Variants in CHLSN observed in about 807,000 individuals in gnomAD.
The protein encoded by CHLSN is protein cholesin.
the CHLSN span, chr7:1,009,863 A>G: frequency 1.7e-6 from 2 of 1,159,510 alleles, no homozygotes; most frequent in East Asian, 2.6e-5. Flanking sequence ...CCTTCCACAC[A>G]GTGTGTGCGA....
At chr7:1,136,594 A>G in the CHLSN span, among the ~76,000 whole-genome samples, 1 of 138,260 alleles carries the variant, frequency 7.2e-6, no homozygotes, top group African/African-American at 2.8e-5. Flanking sequence ...AAACATATAT[A>G]AACATATATA....
At chr7:1,085,231 C>G in the CHLSN span, among the ~76,000 whole-genome samples, 3 of 152,236 alleles carry the variant, frequency 2.0e-5, no homozygotes, top group Non-Finnish European at 4.4e-5. Flanking sequence ...CCTTGAAGTT[C>G]TTTCCTTTTA....
chr7:1,124,876 G>A, the CHLSN span, among the ~76,000 whole-genome samples: 5 of 152,278 alleles, frequency 3.3e-5, no homozygotes, highest in East Asian at 3.9e-4. Context: ...CGCGGGAGCC[G>A]CAGGACCTCT....
At chr7:1,028,235 G>C in the CHLSN span, 7 of 1,086,852 alleles carry the variant, frequency 6.4e-6, no homozygotes, top group African/African-American at 8.6e-5. Context: ...GCCCGAATGC[G>C]GGCCCTGGCC....
At chr7:1,046,379 T>C in the CHLSN span, among the ~76,000 whole-genome samples, 2 of 152,132 alleles carry the variant, frequency 1.3e-5, no homozygotes, top group African/African-American at 2.4e-5. Context: ...CTGTTTTCTG[T>C]CAACAGTGTT....
chr7:1,082,963 C>T, the CHLSN span, among the ~76,000 whole-genome samples: 1 of 152,222 alleles, frequency 6.6e-6, no homozygotes, highest in Non-Finnish European at 1.5e-5. Context: ...CCCCGAGGCT[C>T]CTTGAGGAAC....
At chr7:1,003,740 A>G in the CHLSN span, among the ~76,000 whole-genome samples, 1 of 64,524 alleles carries the variant, frequency 1.5e-5, no homozygotes, top group African/African-American at 6.7e-5. Context: ...GGGTGAGTGG[A>G]GTCCTGTGGG....
chr7:1,091,976 T>C, the CHLSN span: 1 of 1,614,106 alleles, frequency 6.2e-7, no homozygotes, highest in Non-Finnish European at 8.5e-7. Context: ...ATCCTGGTGG[T>C]GAACATCAGC....
chr7:1,104,171 C>CT, the CHLSN span, among the ~76,000 whole-genome samples: 1 of 152,378 alleles, frequency 6.6e-6, no homozygotes, highest in South Asian at 2.1e-4. Context: ...GGGCAGGGCT[C>CT]TGTCAGGCCA....
chr7:1,041,705 G>A, the CHLSN span, among the ~76,000 whole-genome samples: 6,868 of 152,260 alleles, frequency 0.045, 216 homozygotes, highest in Middle Eastern at 0.095. Context: ...TCCGTGATCA[G>A]CACGGCACAC....
At chr7:1,011,973 G>C in the CHLSN span, among the ~76,000 whole-genome samples, 263 of 152,290 alleles carry the variant, frequency 1.7e-3, 2 homozygotes, top group African/African-American at 6.1e-3. Flanking sequence ...TTTCATGGTG[G>C]GGATGTGGAC....
chr7:1,055,029 G>C, the CHLSN span, among the ~76,000 whole-genome samples: 1 of 152,096 alleles, frequency 6.6e-6, no homozygotes, highest in Non-Finnish European at 1.5e-5. Context: ...ACACGTGTCT[G>C]CCTGACCTGC....
the CHLSN span, among the ~76,000 whole-genome samples, chr7:981,466 A>C: frequency 1.3e-5 from 2 of 151,524 alleles, no homozygotes; most frequent in African/African-American, 4.9e-5. Flanking sequence ...AATTCCCAGC[A>C]CTTTGGGAGG....
chr7:1,028,744 C>T, the CHLSN span: 2 of 709,150 alleles, frequency 2.8e-6, no homozygotes, highest in Non-Finnish European at 3.4e-6. Context: ...ATAGACCCAT[C>T]TCCCCCAGTC....
the CHLSN span, chr7:1,010,118 A>C: frequency 6.2e-7 from 1 of 1,612,414 alleles, no homozygotes; most frequent in Admixed American, 1.7e-5. Flanking sequence ...CTCTGCGTCC[A>C]GCCCGGGCCT....
chr7:983,137 C>G, the CHLSN span: 1 of 1,288,824 alleles, frequency 7.8e-7, no homozygotes, highest in Non-Finnish European at 1.0e-6. Flanking sequence ...CGGGCACGCC[C>G]TCCCGCGGAG....
the CHLSN span, among the ~76,000 whole-genome samples, chr7:1,109,811 G>C: frequency 1.3e-5 from 2 of 152,168 alleles, no homozygotes; most frequent in Non-Finnish European, 2.9e-5. Flanking sequence ...GTGCCTCTGC[G>C]TCTCGGCGCC....
the CHLSN span, among the ~76,000 whole-genome samples, chr7:1,002,177 G>A: frequency 7.5e-6 from 1 of 133,494 alleles, no homozygotes; most frequent in Non-Finnish European, 1.6e-5. Context: ...TCCTGCAGGT[G>A]GGGAGTCCTG....
At chr7:1,100,768 G>A in the CHLSN span, among the ~76,000 whole-genome samples, 1 of 151,084 alleles carries the variant, frequency 6.6e-6, no homozygotes, top group African/African-American at 2.4e-5. Flanking sequence ...GCTTCTTGTG[G>A]TTAAAAAAAA....
Sources: gnomAD v4.1 joint callset for allele counts (sites outside exome capture counted in the v4.1 genomes callset) on GRCh38, gnomAD v4.1.1 for gene constraint, MANE v1.5 for transcripts, NCBI Gene and HGNC (gene_info 2026-07-23, HGNC 2026-07-21) for gene names.